Variants in PKHD1L1 observed in about 807,000 individuals in gnomAD.
The protein encoded by PKHD1L1 is fibrocystin-L.
PKHD1L1 carries 434 observed loss-of-function variants against 462.9 expected under a neutral mutation model. The ratio of observed to expected loss-of-function variants is 0.94; its 90% confidence interval spans 0.87 to 1.02. The LOEUF (loss-of-function observed/expected upper bound fraction) is 1.02, where lower values mean the gene tolerates loss of function less well. Ranked by LOEUF, PKHD1L1 falls within the 50% of genes least tolerant of loss-of-function variation. The pLI is 0.00. For synonymous variants in PKHD1L1, 1,781 were observed against 1,750.0 expected, an observed-to-expected ratio of 1.02 and a Z score of -0.44; for missense variants, 5,202 against 5,096.1, an observed-to-expected ratio of 1.02 and a Z score of -0.63.
chr8:109,389,481 A>T (rs1316747994), intron 8 of PKHD1L1, among the ~76,000 whole-genome samples: 1 of 150,268 alleles, frequency 6.7e-6, no homozygotes, highest in Non-Finnish European at 1.5e-5. Flanking sequence ...TGTCCTCCAG[A>T]CACATAGATC....
rs1426809091 is a variant in PKHD1L1, at chr8:109,534,053, G to A, written c.*3963G>A. Among the ~76,000 whole-genome samples, 1 of 152,192 alleles carries A rather than the reference G, an allele frequency of 6.6e-6. No individual in the cohort carries two copies. The highest frequency in any genetic ancestry group is 2.4e-5 in the African/African-American group (1 of 41,442). On this transcript the variant is annotated 3_prime_UTR_variant, in exon 78 of 78. Transcript: ENST00000378402. ...ATGTCTGAGATGGCAAAATTTGGAA[G>A]GATCAAGAGAACAGAGAGTTAATCC...
At position 109,438,972 on chromosome 8, in the gene PKHD1L1, GA is replaced by G; in HGVS notation, c.3841del (p.Thr1281ProfsTer28). On this transcript the variant is annotated frameshift_variant, in exon 32 of 78. Transcript: ENST00000378402. LOFTEE classifies it high-confidence loss of function. Reference protein sequence around the residue: ...LTQNMAVYVGGKTCQILHWNF... With the variant: ...LTQNMAVYVGXKTCQILHWNF... ...CAAAACATGGCGGTGTATGTTGGAG[GA>G]AAAACCTGCCAGATTCTTCACTGGA... The G allele has an allele frequency of 6.2e-7, 1 of 1,613,582 alleles. No individual in the cohort carries two copies. The highest frequency in any genetic ancestry group is 8.5e-7 in the Non-Finnish European group (1 of 1,179,664).
chr8:109,469,182 C>A (rs1817595027), intron 50 of PKHD1L1, among the ~76,000 whole-genome samples: 1 of 152,088 alleles, frequency 6.6e-6, no homozygotes, highest in Admixed American at 6.6e-5. Context: ...ATCAAAAAAC[C>A]CAATCCCATG....
At position 109,394,063 on chromosome 8, in the gene PKHD1L1, A is replaced by G. The variant is rs560082337; in HGVS notation, c.741-352A>G. Among the ~76,000 whole-genome samples, 32 of 150,880 alleles carry G rather than the reference A, an allele frequency of 2.1e-4. No individual in the cohort carries two copies. In the South Asian group the frequency reaches 6.5e-3, roughly 31 times the overall value. On this transcript the variant is annotated intron_variant, in intron 9 of 77. Transcript: ENST00000378402. ...GTGGCATGCGCCTGTAGTCCCAGCT[A>G]CTCAGCAGGCTGAGGCCGGAGAATC... is the stretch of plus-strand genomic sequence containing the variant.
rs201693680 is a variant in PKHD1L1 at position 109,440,091 on chromosome 8, A to AT, written c.3957-613dup. Among the ~76,000 whole-genome samples the AT allele has an allele frequency of 9.4e-4, 143 of 152,070 alleles. 1 individual carries two copies. The East Asian group carries it at 0.013, about 14-fold the overall frequency. Reference sequence around the variant, plus strand: ...AAAAGTTAACACAATGATTCACGTGATTTTTTCTGCCTCTCTGCAGTTACG... The same window carrying AT: ...AAAAGTTAACACAATGATTCACGTGATTTTTTTCTGCCTCTCTGCAGTTACG... On this transcript the variant is annotated intron_variant, in intron 32 of 77. Coordinates refer to ENST00000378402, the MANE Select transcript of PKHD1L1 (RefSeq NM_177531.6).
At chr8:109,413,282 C>T (rs1813954644) in intron 20 of PKHD1L1, 139 bp from the exon 21 acceptor site, 2 of 586,508 alleles carry the variant, frequency 3.4e-6, no homozygotes, top group Non-Finnish European at 5.1e-6. Flanking sequence ...TGAAATTAAT[C>T]ATTTATTTCT....
chr8:109,384,864 T>A (rs935696773), intron 5 of PKHD1L1, among the ~76,000 whole-genome samples: 4 of 152,116 alleles, frequency 2.6e-5, no homozygotes, highest in East Asian at 1.9e-4. Flanking sequence ...TACCTGTTTA[T>A]CTCTTTGGCT....
chr8:109,498,999 C>G (rs1283937157), intron 67 of PKHD1L1: 1 of 490,942 alleles, frequency 2.0e-6, no homozygotes, highest in Non-Finnish European at 3.6e-6. Flanking sequence ...CCTTCTAAAA[C>G]AACAACAAAA....
intron 45 of PKHD1L1, among the ~76,000 whole-genome samples, chr8:109,455,315 G>A (rs956888509): frequency 3.3e-5 from 5 of 152,158 alleles, no homozygotes; most frequent in African/African-American, 9.7e-5. Context: ...TCTAGGCTGG[G>A]CAATAGAGTG....
At chr8:109,367,589 A>G (rs190023892) in intron 2 of PKHD1L1, among the ~76,000 whole-genome samples, 2 of 152,360 alleles carry the variant, frequency 1.3e-5, no homozygotes, top group East Asian at 3.9e-4. Flanking sequence ...TTTGTTTAAA[A>G]GGCTGTGGTT....
chr8:109,522,171 T>C lies in PKHD1L1; in HGVS notation c.12032-15T>C. On this transcript the variant is annotated splice_polypyrimidine_tract_variant and intron_variant, in intron 73 of 77. Transcript: ENST00000378402. Reference sequence around the variant, plus strand: ...TACTTTTATAATCCAAATGTCATAATACTTTTCCCCATAGGTCAGATGCAG... The same window carrying C: ...TACTTTTATAATCCAAATGTCATAACACTTTTCCCCATAGGTCAGATGCAG... 1 of 1,580,514 alleles carries C rather than the reference T, an allele frequency of 6.3e-7. No individual in the cohort carries two copies. Among genetic ancestry groups the C allele is most frequent in the East Asian group, 2.2e-5 (1 of 44,528 alleles).
intron 65 of PKHD1L1, 103 bp downstream of exon 65, chr8:109,497,375 T>C: frequency 7.5e-7 from 1 of 1,325,166 alleles, no homozygotes. Context: ...TCTATCTCTG[T>C]CTCGCCCACA....
At chr8:109,515,800 C>T (rs1306839879) in intron 72 of PKHD1L1, among the ~76,000 whole-genome samples, 3 of 152,132 alleles carry the variant, frequency 2.0e-5, no homozygotes, top group Non-Finnish European at 4.4e-5. Context: ...AGAGGCTAAA[C>T]TTATTCATTG....
intron 31 of PKHD1L1, 115 bp downstream of exon 31, chr8:109,438,571 A>G: frequency 1.1e-6 from 1 of 933,898 alleles, no homozygotes; most frequent in Non-Finnish European, 1.6e-6. Flanking sequence ...GAAACCAGTT[A>G]TAGTGTTATG....
intron 18 of PKHD1L1, 83 bp downstream of exon 18, chr8:109,408,289 A>G: frequency 7.8e-7 from 1 of 1,280,812 alleles, no homozygotes; most frequent in Non-Finnish European, 1.0e-6. Context: ...CAGATGGGAA[A>G]GAGATGTTAC....
chr8:109,436,934 T>C (rs1277267169), intron 30 of PKHD1L1, among the ~76,000 whole-genome samples: 2 of 152,236 alleles, frequency 1.3e-5, no homozygotes, highest in African/African-American at 4.8e-5. Flanking sequence ...TTATTTTTCC[T>C]GAGACGGAGT....
chr8:109,517,933 T>TA (rs1353181213), intron 72 of PKHD1L1, among the ~76,000 whole-genome samples: 1 of 152,124 alleles, frequency 6.6e-6, no homozygotes, highest in Non-Finnish European at 1.5e-5. Flanking sequence ...AGCTAATTTT[T>TA]AAAAAACAAA....
chr8:109,470,991 C>A (rs922841975), intron 50 of PKHD1L1: 1 of 1,610,490 alleles, frequency 6.2e-7, no homozygotes, highest in Non-Finnish European at 8.5e-7. Context: ...ATAGGCATCC[C>A]GCAGTTTCAC....
At position 109,522,298 on chromosome 8, in the gene PKHD1L1, T is replaced by A. The variant is rs1393483293; in HGVS notation, c.12144T>A (p.Thr4048=). 2 of 1,607,808 alleles carry A rather than the reference T, an allele frequency of 1.2e-6. No individual in the cohort carries two copies. Among genetic ancestry groups the A allele is most frequent in the Non-Finnish European group, 1.7e-6 (2 of 1,176,442 alleles). Residue 4048 remains threonine (T), a synonymous_variant, in exon 74 of 78, where the codon ACT becomes ACA. Coordinates refer to ENST00000378402, the MANE Select transcript of PKHD1L1 (RefSeq NM_177531.6). Reference sequence around the variant, plus strand: ...TTAACATTTCGTCCATGTCTATTACTAATCCCCTCCCCAGCCCAAGTGACT... The same window carrying A: ...TTAACATTTCGTCCATGTCTATTACAAATCCCCTCCCCAGCCCAAGTGACT... The part of the protein sequence containing the change: ...LGFNISSMSI[T]NPLPSPSDSG...
Sources: gnomAD v4.1 joint callset for allele counts (sites outside exome capture counted in the v4.1 genomes callset) on GRCh38, gnomAD v4.1.1 for gene constraint, MANE v1.5 for transcripts, NCBI Gene and HGNC (gene_info 2026-07-23, HGNC 2026-07-21) for gene names.